MTR: variants seen among roughly 807,000 people sequenced by gnomAD.
MTR encodes methionine synthase.
Under a neutral mutation model 154.8 loss-of-function variants are expected in MTR, and 84 were observed. The observed-to-expected ratio is 0.54, with a 90% CI of 0.45 to 0.65. MTR has a LOEUF of 0.65. Ranked by LOEUF, MTR falls within the 30% of genes least tolerant of loss-of-function variation. The pLI, the probability that MTR is intolerant of heterozygous loss-of-function variation, is 0.00. For synonymous variants in MTR, 554 were observed against 553.9 expected (o/e 1.00, Z 0.00); for missense variants, 1,275 against 1,570.2 (o/e 0.81, Z 3.18).
At chr1:236,878,404 C>T (rs952815387) in intron 24 of MTR, among the ~76,000 whole-genome samples, 1 of 152,078 alleles carries the variant, frequency 6.6e-6, no homozygotes, top group Non-Finnish European at 1.5e-5. Flanking sequence ...GAAAACATCG[C>T]TGAGGGGAGA....
intron 23 of MTR, 79 bp from the exon 24 acceptor site, chr1:236,874,647 G>T: frequency 8.1e-7 from 1 of 1,231,656 alleles, no homozygotes; most frequent in Non-Finnish European, 1.1e-6. Context: ...TTTTTAAATG[G>T]ATCTTCATCC....
intron 17 of MTR, 100 bp from the exon 18 acceptor site, chr1:236,852,848 G>C: frequency 7.1e-7 from 1 of 1,407,950 alleles, no homozygotes; most frequent in Non-Finnish European, 1.0e-6. Context: ...AGAGGCTATG[G>C]CCTAAAATAT....
At chr1:236,832,159 T>C in intron 13 of MTR, 81 bp downstream of exon 13, 1 of 1,094,510 alleles carries the variant, frequency 9.1e-7, no homozygotes, top group Non-Finnish European at 1.4e-6. Flanking sequence ...CTCTCTGCCT[T>C]TGATAGTGTT....
At chr1:236,844,235 T>C (rs538882847) in intron 15 of MTR, among the ~76,000 whole-genome samples, 11 of 152,196 alleles carry the variant, frequency 7.2e-5, no homozygotes, top group Admixed American at 7.2e-4. Context: ...ATAGATCAAG[T>C]GGGATGAGAC....
At chr1:236,800,470 G>A (rs1277911715) in intron 1 of MTR, 5 of 985,246 alleles carry the variant, frequency 5.1e-6, no homozygotes, top group Non-Finnish European at 6.0e-6. Flanking sequence ...ATTCAGCTGG[G>A]CATGTAGGTT....
chr1:236,853,259 A>C (rs890710093), intron 18 of MTR, among the ~76,000 whole-genome samples, 171 bp downstream of exon 18: 5 of 152,232 alleles, frequency 3.3e-5, no homozygotes, highest in African/African-American at 1.2e-4. Context: ...TAGGGCAAGG[A>C]AGGGTAAACA....
Position 236,901,488 on chromosome 1 carries a change from T to C in MTR, c.*3844T>C. On this transcript the variant is annotated 3_prime_UTR_variant, in exon 33 of 33. Coordinates refer to ENST00000366577, the MANE Select transcript of MTR (RefSeq NM_000254.3). ...ACTTCCAGGGAGACTGAATTTCTTC[T>C]GCCAGTCAGTAACACCATCAACCTG... is the stretch of plus-strand genomic sequence containing the variant. 1 of 152,298 alleles carries C rather than the reference T, an allele frequency of 6.6e-6. No individual in the cohort carries two copies. The highest frequency in any genetic ancestry group is 1.9e-4 in the East Asian group (1 of 5,200). 9.4% of individuals were successfully genotyped at this position (152,298 alleles called of 1,614,324 possible). A position where few individuals can be genotyped will look rare whatever the true frequency, so the allele number is the denominator to read the frequency against.
intron 24 of MTR, among the ~76,000 whole-genome samples, chr1:236,875,411 T>C (rs544018195): frequency 7.2e-5 from 11 of 152,208 alleles, no homozygotes; most frequent in Non-Finnish European, 1.6e-4. Flanking sequence ...AATGTAAAGA[T>C]GAGAAAGTTC....
chr1:236,831,974 C>G lies in MTR; in HGVS notation c.1084C>G (p.Pro362Ala). The change falls in exon 13 of 33, where the codon CCC (proline) becomes GCC (alanine). Residue 362 changes from proline (P) to alanine (A), a missense_variant. Physicochemically the swap from Pro to Ala is conservative, Grantham distance 27. Transcript: ENST00000366577. ...EGHMLLSGLE[P>A]FRIGPYTNFV... ...ATGCTTCTCCTTTTAAGGTCTAGAG[C>G]CCTTCAGGATTGGACCGTACACCAA... The G allele has an allele frequency of 6.2e-7, 1 of 1,613,614 alleles. No individual in the cohort carries two copies. Among genetic ancestry groups the G allele is most frequent in the South Asian group, 1.1e-5 (1 of 91,064 alleles).
In MTR at chr1:236,829,226, G is replaced by T. The variant is rs145006491; in HGVS notation, c.1033G>T (p.Val345Phe). Reference sequence around the variant, plus strand: ...AGCTGTGAAAAATTGTAAGCCTAGAGTTCCACCTGCCACTGCTTTTGAAGG... The same window carrying T: ...AGCTGTGAAAAATTGTAAGCCTAGATTTCCACCTGCCACTGCTTTTGAAGG... Reference protein sequence around the residue: ...AEAVKNCKPRVPPATAFEGHM... With the variant: ...AEAVKNCKPRFPPATAFEGHM... The change falls in exon 12 of 33, where the codon GTT (valine) becomes TTT (phenylalanine). Residue 345 changes from valine (V) to phenylalanine (F), a missense_variant. Physicochemically the swap from Val to Phe is conservative, Grantham distance 50 (BLOSUM62 -1). Transcript: ENST00000366577. 4 of 1,614,014 alleles carry T rather than the reference G, an allele frequency of 2.5e-6. No homozygotes were observed. Among genetic ancestry groups the T allele is most frequent in the Non-Finnish European group, 3.4e-6 (4 of 1,179,954 alleles).
chr1:236,897,170 A>G (rs1558350449), intron 32 of MTR, 52 bp downstream of exon 32: 1 of 1,303,934 alleles, frequency 7.7e-7, no homozygotes, highest in East Asian at 2.3e-5. Flanking sequence ...ATGAAATTCT[A>G]GAACCTCTCT....
At chr1:236,847,571 C>G (rs551773298) in intron 15 of MTR, among the ~76,000 whole-genome samples, 2 of 152,332 alleles carry the variant, frequency 1.3e-5, no homozygotes, top group Non-Finnish European at 1.5e-5. Flanking sequence ...TTTATTCCTT[C>G]CTTCTTGCTG....
chr1:236,872,437 A>G (rs1283171587), intron 22 of MTR, among the ~76,000 whole-genome samples: 1 of 152,152 alleles, frequency 6.6e-6, no homozygotes. Flanking sequence ...CTTCGTGTGC[A>G]GGACCTGACC....
At chr1:236,809,878 A>G (rs1661200784) in intron 4 of MTR, among the ~76,000 whole-genome samples, 1 of 152,224 alleles carries the variant, frequency 6.6e-6, no homozygotes, top group South Asian at 2.1e-4. Context: ...GGCAGAGGAA[A>G]AGTTATTAAA....
chr1:236,873,332 C>A (rs1665241434), intron 22 of MTR, among the ~76,000 whole-genome samples: 1 of 152,174 alleles, frequency 6.6e-6, no homozygotes, highest in African/African-American at 2.4e-5. Flanking sequence ...TACAGTGTTT[C>A]TGCTCTGGGT....
chr1:236,869,749 A>T (rs1316195364), intron 22 of MTR, among the ~76,000 whole-genome samples: 1 of 151,770 alleles, frequency 6.6e-6, no homozygotes, highest in Non-Finnish European at 1.5e-5. Flanking sequence ...TAGCAGGCAC[A>T]GAGGGCAGGC....
rs1221956923 is a variant in MTR at position 236,855,766 on chromosome 1, A to G, written c.1953+2678A>G. On this transcript the variant is annotated intron_variant, in intron 18 of 32. Coordinates refer to ENST00000366577, the MANE Select transcript of MTR (RefSeq NM_000254.3). ...AAGGAGTAGCCAGATGGACATGACA[A>G]TTGCTTGGTCAGTTTGCTTGGTAGC... Among the ~76,000 whole-genome samples, 6 of 152,286 alleles carry G rather than the reference A, an allele frequency of 3.9e-5. No homozygotes were observed. The East Asian group carries it at 7.7e-4, about 20-fold the overall frequency.
intron 1 of MTR, among the ~76,000 whole-genome samples, chr1:236,796,917 T>G (rs148763704): frequency 1.3e-5 from 2 of 152,246 alleles, no homozygotes; most frequent in African/African-American, 4.8e-5. Context: ...TCCCATTTAA[T>G]TTAAACAAGT....
chr1:236,835,897 C>T (rs1351861385), intron 14 of MTR, among the ~76,000 whole-genome samples: 1 of 152,086 alleles, frequency 6.6e-6, no homozygotes, highest in African/African-American at 2.4e-5. Flanking sequence ...GTGGCTTCAG[C>T]CTGGCTGTTT....
Sources: allele counts gnomAD v4.1 joint callset (sites outside exome capture counted in the v4.1 genomes callset), GRCh38; gene constraint gnomAD v4.1.1; transcripts MANE v1.5; gene names NCBI Gene and HGNC (gene_info 2026-07-23, HGNC 2026-07-21).